The following ANKRD13C variants were observed in gnomAD, a reference collection of about 807,000 sequenced individuals.
The protein encoded by ANKRD13C is ankyrin repeat domain-containing protein 13C.
A neutral mutation model predicts 65.5 loss-of-function variants in ANKRD13C; 16 were observed. The ratio of observed to expected loss-of-function variants is 0.24; its 90% confidence interval spans 0.17 to 0.37. The LOEUF is 0.37. Ranked by LOEUF, ANKRD13C falls within the 10% of genes least tolerant of loss-of-function variation. ANKRD13C has a pLI of 1.00. For missense variants in ANKRD13C, 503 were observed against 655.9 expected, an observed-to-expected ratio of 0.77 and a Z score of 2.55; for synonymous variants, 235 against 238.7, an observed-to-expected ratio of 0.98 and a Z score of 0.14.
At chr1:70,339,669 G>T (rs978488468) in intron 1 of ANKRD13C, among the ~76,000 whole-genome samples, 3 of 151,586 alleles carry the variant, frequency 2.0e-5, no homozygotes, top group African/African-American at 7.3e-5. Flanking sequence ...TTCTAGCATT[G>T]TTTATCTCTT....
intron 3 of ANKRD13C, among the ~76,000 whole-genome samples, chr1:70,319,739 AC>A (rs1022603186): frequency 6.6e-6 from 1 of 151,678 alleles, no homozygotes; most frequent in African/African-American, 2.4e-5. Context: ...AACTTCTAAA[AC>A]CCTTTGAGAC....
rs148269415 is a variant in ANKRD13C, at chr1:70,317,812, T to A, written c.578-2246A>T. On this transcript the variant is annotated intron_variant, in intron 3 of 12. Transcript: ENST00000370944. Reference sequence around the variant, plus strand: ...GCCTTCAGATTGAAATGGACCTCAGTTGAATGCAGAGAATGAAAAGAATTC... The same window carrying A: ...GCCTTCAGATTGAAATGGACCTCAGATGAATGCAGAGAATGAAAAGAATTC... 1.8e-3 allele frequency among the ~76,000 whole-genome samples: 268 copies of A among 152,268 alleles called. 1 individual carries two copies. Among genetic ancestry groups the A allele is most frequent in the African/African-American group, 6.2e-3 (259 of 41,572 alleles).
chr1:70,269,549 G>A (rs945215835), intron 12 of ANKRD13C, among the ~76,000 whole-genome samples: 8 of 152,100 alleles, frequency 5.3e-5, no homozygotes, highest in South Asian at 2.1e-4. Context: ...GCAGAAATGC[G>A]AACACAAAGA....
At chr1:70,336,140 A>G (rs1682014611) in intron 1 of ANKRD13C, 41 bp from the exon 2 acceptor site, 2 of 555,012 alleles carry the variant, frequency 3.6e-6, no homozygotes, top group Admixed American at 4.8e-5. Flanking sequence ...AGAAGGTGTA[A>G]AAACATAAGA....
intron 1 of ANKRD13C, among the ~76,000 whole-genome samples, chr1:70,348,374 T>G (rs1306690669): frequency 6.6e-6 from 1 of 151,974 alleles, no homozygotes; most frequent in Non-Finnish European, 1.5e-5. Flanking sequence ...CACCTCCCAG[T>G]CCTGCCTCAG....
intron 1 of ANKRD13C, 138 bp downstream of exon 1, chr1:70,353,841 G>A: frequency 1.7e-6 from 2 of 1,208,068 alleles, no homozygotes; most frequent in Admixed American, 3.2e-5. Context: ...TTACTGAGTC[G>A]ATCATGATTT....
intron 1 of ANKRD13C, among the ~76,000 whole-genome samples, chr1:70,338,224 T>A (rs887484865): frequency 6.6e-6 from 1 of 152,022 alleles, no homozygotes; most frequent in Admixed American, 6.6e-5. Context: ...AAAGAAACCA[T>A]CCCTCCCCTC....
chr1:70,307,681 TG>T (rs1391213644), intron 5 of ANKRD13C, among the ~76,000 whole-genome samples: 4 of 152,164 alleles, frequency 2.6e-5, no homozygotes, highest in African/African-American at 9.7e-5. Context: ...GGGCACGGTT[TG>T]GCTATAACTG....
chr1:70,323,611 C>T (rs1209338643), intron 3 of ANKRD13C, among the ~76,000 whole-genome samples: 3 of 151,180 alleles, frequency 2.0e-5, no homozygotes, highest in Non-Finnish European at 4.4e-5. Context: ...CCATTGCATT[C>T]CATCCAGCCT....
chr1:70,337,291 C>T (rs1200986280), intron 1 of ANKRD13C, among the ~76,000 whole-genome samples: 1 of 152,084 alleles, frequency 6.6e-6, no homozygotes, highest in East Asian at 1.9e-4. Flanking sequence ...ACACTAAAGT[C>T]ATCTCCATGG....
Position 70,354,122 on chromosome 1 carries a change from G to A in ANKRD13C, c.287C>T (p.Ala96Val), listed in dbSNP as rs772173804. Reference protein sequence around the residue: ...TANSQSPALLAGTNPVAVVAD... With the variant: ...TANSQSPALLVGTNPVAVVAD... ...GACGACAGCAACGGGGTTGGTGCCGGCCAGAAGGGCCGGGGACTGGGAGTT... is the reference window on the plus strand; with the variant it reads ...GACGACAGCAACGGGGTTGGTGCCGACCAGAAGGGCCGGGGACTGGGAGTT... Residue 96 changes from alanine (A) to valine (V), a missense_variant, in exon 1 of 13, where the codon GCC (alanine) becomes GTC (valine). This residue lies in a region of ANKRD13C where 203 missense variants were observed against 177.6 expected (regional missense o/e 1.14). Coordinates refer to ENST00000370944, the MANE Select transcript of ANKRD13C (RefSeq NM_030816.5). The A allele has an allele frequency of 3.7e-6, 6 of 1,613,614 alleles. No individual in the cohort carries two copies. In the South Asian group the frequency reaches 6.6e-5, roughly 18 times the overall value.
chr1:70,332,475 T>G (rs1462790864), intron 2 of ANKRD13C, among the ~76,000 whole-genome samples: 1 of 152,184 alleles, frequency 6.6e-6, no homozygotes, highest in Admixed American at 6.5e-5. Flanking sequence ...TTTAATTTGT[T>G]GTTGTTGTTG....
In ANKRD13C at chr1:70,333,879, C is replaced by G. The variant is rs151249998; in HGVS notation, c.472+2179G>C. On this transcript the variant is annotated intron_variant, in intron 2 of 12. Transcript: ENST00000370944. ...ACTCTTCCTGAGACCTGGCTGGTAC[C>G]TACTTCTTGAGTTTCTCTAACATGT... Among the ~76,000 whole-genome samples, 164 of 152,260 alleles carry G rather than the reference C, an allele frequency of 1.1e-3. 1 individual carries two copies. Among genetic ancestry groups the G allele is most frequent in the South Asian group, 3.5e-3 (17 of 4,830 alleles).
intron 11 of ANKRD13C, 34 bp downstream of exon 11, chr1:70,274,686 T>C (rs1298520477): frequency 1.4e-6 from 2 of 1,465,188 alleles, no homozygotes; most frequent in African/African-American, 2.8e-5. Context: ...TAATAGTTTC[T>C]TTCATAAACA....
At chr1:70,344,074 G>T (rs1214790948) in intron 1 of ANKRD13C, among the ~76,000 whole-genome samples, 2 of 152,080 alleles carry the variant, frequency 1.3e-5, no homozygotes, top group Non-Finnish European at 2.9e-5. Context: ...GAGGCGGATA[G>T]ATCACCTGAG....
At chr1:70,308,790 C>A (rs891877660) in intron 5 of ANKRD13C, among the ~76,000 whole-genome samples, 2 of 143,096 alleles carry the variant, frequency 1.4e-5, no homozygotes, top group Admixed American at 6.9e-5. Context: ...GCAAAACAAA[C>A]AACCAAACAA....
intron 9 of ANKRD13C, among the ~76,000 whole-genome samples, chr1:70,285,875 AC>A (rs1208022094): frequency 8.5e-5 from 13 of 152,070 alleles, no homozygotes; most frequent in Admixed American, 3.9e-4. Context: ...TCTGCCTGCC[AC>A]CACCGTGCCG....
intron 5 of ANKRD13C, 34 bp downstream of exon 5, chr1:70,313,711 A>G: frequency 6.6e-7 from 1 of 1,518,316 alleles, no homozygotes; most frequent in Non-Finnish European, 9.1e-7. Flanking sequence ...CTGCATAAGT[A>G]CATATTTTAT....
At chr1:70,319,630 C>T (rs1190264625) in intron 3 of ANKRD13C, among the ~76,000 whole-genome samples, 1 of 131,852 alleles carries the variant, frequency 7.6e-6, no homozygotes, top group East Asian at 2.8e-4. Context: ...AAACCAAATA[C>T]ATATTGTTCC....
Sources: allele counts gnomAD v4.1 joint callset (sites outside exome capture counted in the v4.1 genomes callset), GRCh38; gene constraint gnomAD v4.1.1; regional missense constraint gnomAD v4.1.1; transcripts MANE v1.5; gene names NCBI Gene and HGNC (gene_info 2026-07-23, HGNC 2026-07-21).